Variants in ACLY observed in about 807,000 individuals in gnomAD.
ACLY encodes ATP-citrate synthase.
ACLY carries 41 observed loss-of-function variants against 133.0 expected under a neutral mutation model. That is an observed-to-expected ratio of 0.31 (90% CI 0.24 to 0.40). ACLY has a LOEUF of 0.40. Among genes scored for constraint, ACLY ranks in the 10% least tolerant of loss-of-function variants. The pLI, the probability that ACLY is intolerant of heterozygous loss-of-function variation, is 1.00. For synonymous variants in ACLY, 495 were observed against 549.3 expected (o/e 0.90, Z 1.38); for missense variants, 1,046 against 1,453.8 (o/e 0.72, Z 4.56).
intron 20 of ACLY, among the ~76,000 whole-genome samples, chr17:41,879,979 C>T (rs1041579056): frequency 2.6e-5 from 4 of 152,186 alleles, no homozygotes; most frequent in Non-Finnish European, 4.4e-5. Context: ...ACCCACCCAC[C>T]TCAGCCTCCC....
chr17:41,899,624 G>C (rs1005932653), intron 11 of ACLY, among the ~76,000 whole-genome samples: 12 of 152,156 alleles, frequency 7.9e-5, no homozygotes, highest in African/African-American at 2.9e-4. Context: ...TGTACAGACA[G>C]ACCCCTAGCA....
chr17:41,918,740 C>T (rs1746485805), intron 1 of ACLY, 140 bp downstream of exon 1: 2 of 1,100,872 alleles, frequency 1.8e-6, no homozygotes, highest in Middle Eastern at 2.8e-4. Flanking sequence ...TAACCTAAAG[C>T]TAAGACCCTC....
intron 6 of ACLY, among the ~76,000 whole-genome samples, 178 bp from the exon 7 acceptor site, chr17:41,907,750 A>T (rs2049766267): frequency 6.6e-6 from 1 of 152,210 alleles, no homozygotes; most frequent in East Asian, 1.9e-4. Flanking sequence ...CATTAAAGGC[A>T]AAACAAATTC....
intron 7 of ACLY, among the ~76,000 whole-genome samples, chr17:41,907,211 C>T (rs993689531): frequency 2.6e-5 from 4 of 152,088 alleles, no homozygotes; most frequent in African/African-American, 7.2e-5. Context: ...AGTGAAGAGT[C>T]GAGGGAGGCT....
intron 3 of ACLY, 29 bp from the exon 4 acceptor site, chr17:41,910,313 CA>C: frequency 6.2e-7 from 1 of 1,603,978 alleles, no homozygotes. Flanking sequence ...AGATGAAACT[CA>C]GAGGGACAGC....
Position 41,872,021 on chromosome 17 carries a change from A to G in ACLY, c.2793+11T>C. 1 of 1,613,884 alleles carries G rather than the reference A, an allele frequency of 6.2e-7. No homozygotes were observed. The highest frequency in any genetic ancestry group is 8.5e-7 in the Non-Finnish European group (1 of 1,179,858). On this transcript the variant is annotated intron_variant, in intron 24 of 28. Coordinates refer to ENST00000352035, the MANE Select transcript of ACLY (RefSeq NM_001096.3). The stretch of plus-strand genomic sequence containing the variant: ...TCCCCACTGTTCACCTCCCATGATG[A>G]CAGTACTTACGATGGTGAGCAGCCC...
chr17:41,903,760 A>T (rs2049607351), intron 10 of ACLY, among the ~76,000 whole-genome samples: 2 of 11,732 alleles, frequency 1.7e-4, no homozygotes, highest in Non-Finnish European at 7.3e-4. Context: ...TGTCTCAAAA[A>T]AAAAAAAAAA....
At chr17:41,876,908 A>AAAAAAAT (rs1327406017) in intron 22 of ACLY, among the ~76,000 whole-genome samples, 1 of 152,144 alleles carries the variant, frequency 6.6e-6, no homozygotes, top group African/African-American at 2.4e-5. Context: ...TGATCAATAC[A>AAAAAAAT]AAAAAATAAA....
Position 41,897,785 on chromosome 17 carries a change from C to T in ACLY, c.1393G>A (p.Ala465Thr). The change falls in exon 13 of 29, where the codon GCG becomes ACG. Residue 465 changes from alanine to threonine, a missense_variant. Transcript: ENST00000352035. ...GCAGGCTTGGCCTTCTTTGCAGGCG[C>T]CACCTCATCGGCCCTGGACTCAGAA... The part of the protein sequence containing the change: ...SFSESRADEV[A>T]PAKKAKPAMP... The T allele has an allele frequency of 6.2e-7, 1 of 1,613,320 alleles. No homozygotes were observed. The highest frequency in any genetic ancestry group is 8.5e-7 in the Non-Finnish European group (1 of 1,179,698).
chr17:41,910,196 C>A (rs1728031240), intron 4 of ACLY, 26 bp downstream of exon 4: 1 of 1,609,956 alleles, frequency 6.2e-7, no homozygotes, highest in Non-Finnish European at 8.5e-7. Flanking sequence ...GGGAGAAGAC[C>A]CAGCCTGGAG....
chr17:41,897,716 C>T, intron 13 of ACLY, 33 bp downstream of exon 13: 1 of 1,598,440 alleles, frequency 6.3e-7, no homozygotes, highest in Non-Finnish European at 8.5e-7. Context: ...CAAGGCCACT[C>T]CCTGCAACAT....
chr17:41,899,562 G>C (rs2079320551), intron 11 of ACLY, among the ~76,000 whole-genome samples: 1 of 152,006 alleles, frequency 6.6e-6, no homozygotes, highest in Non-Finnish European at 1.5e-5. Flanking sequence ...TCCTGAGAAA[G>C]GCCCCCTCTG....
At chr17:41,920,701 G>A (rs1222107929), upstream of ACLY, among the ~76,000 whole-genome samples, 5 of 151,296 alleles carry the variant, frequency 3.3e-5, no homozygotes, top group Admixed American at 1.3e-4. Flanking sequence ...GAGCCCAGAA[G>A]TTCAAGTACA....
At chr17:41,885,339 C>T (rs1020825799) in intron 18 of ACLY, among the ~76,000 whole-genome samples, 1 of 152,122 alleles carries the variant, frequency 6.6e-6, no homozygotes, top group Non-Finnish European at 1.5e-5. Context: ...TCTTCCTCAC[C>T]CAGGCATCCT....
chr17:41,896,593 A>G (rs1002564301), intron 14 of ACLY, 27 bp downstream of exon 14: 2 of 1,536,774 alleles, frequency 1.3e-6, no homozygotes, highest in Non-Finnish European at 8.8e-7. Context: ...CCACACGCGG[A>G]GTGGGGGCAG....
chr17:41,892,185 C>A, intron 16 of ACLY, 94 bp downstream of exon 16: 1 of 1,286,808 alleles, frequency 7.8e-7, no homozygotes, highest in Non-Finnish European at 1.1e-6. Flanking sequence ...GGAGCCATTC[C>A]TGCTTCCCCA....
At chr17:41,927,159 T>C (rs2044918170) in intron 1 of ACLY, among the ~76,000 whole-genome samples, 1 of 152,140 alleles carries the variant, frequency 6.6e-6, no homozygotes, top group East Asian at 1.9e-4. Flanking sequence ...TGAGCCACCA[T>C]GTCTGGCCAA....
intron 16 of ACLY, among the ~76,000 whole-genome samples, chr17:41,888,701 C>T (rs953639962): frequency 8.6e-5 from 13 of 151,930 alleles, no homozygotes; most frequent in Admixed American, 8.5e-4. Context: ...GCCTGGGCAA[C>T]ACAGGGAGAC....
chr17:41,884,358 T>A, intron 18 of ACLY, 84 bp from the exon 19 acceptor site: 1 of 871,610 alleles, frequency 1.1e-6, no homozygotes, highest in Non-Finnish European at 1.9e-6. Flanking sequence ...ACACTTGTAC[T>A]GGGTACACTG....
Sources: allele counts gnomAD v4.1 joint callset (sites outside exome capture counted in the v4.1 genomes callset), GRCh38; gene constraint gnomAD v4.1.1; transcripts MANE v1.5; gene names NCBI Gene and HGNC (gene_info 2026-07-23, HGNC 2026-07-21).